The following KHDRBS2 variants were observed in gnomAD, a reference collection of about 807,000 sequenced individuals.
The protein encoded by KHDRBS2 is KH domain-containing, RNA-binding, signal transduction-associated protein 2.
In KHDRBS2, 26 loss-of-function variants were observed where a neutral mutation model predicts 44.3. That is an observed-to-expected ratio of 0.59 (90% CI 0.43 to 0.81). The LOEUF is 0.81. Ranked by LOEUF, KHDRBS2 falls within the 40% of genes least tolerant of loss-of-function variation. The pLI is 0.00. For synonymous variants in KHDRBS2, 194 were observed against 151.1 expected (o/e 1.28, Z -2.08); for missense variants, 476 against 433.1 (o/e 1.10, Z -0.88).
intron 1 of KHDRBS2, among the ~76,000 whole-genome samples, chr6:62,263,335 G>A (rs1838671496): frequency 6.6e-6 from 1 of 151,494 alleles, no homozygotes; most frequent in Non-Finnish European, 1.5e-5. Context: ...GTATGTTTGG[G>A]ATCTAGCAGC....
intron 6 of KHDRBS2, among the ~76,000 whole-genome samples, chr6:61,759,195 A>T (rs1778925591): frequency 6.6e-6 from 1 of 152,160 alleles, no homozygotes; most frequent in Admixed American, 6.5e-5. Context: ...TCTTAACTAG[A>T]CATCTGCTTG....
intron 2 of KHDRBS2, among the ~76,000 whole-genome samples, chr6:62,110,324 T>C (rs533598075): frequency 6.6e-6 from 1 of 152,154 alleles, no homozygotes; most frequent in Non-Finnish European, 1.5e-5. Context: ...CAAATCATAG[T>C]TAATTACCCA....
the KHDRBS2 span, among the ~76,000 whole-genome samples, chr6:61,613,340 A>C: frequency 6.6e-6 from 1 of 152,164 alleles, no homozygotes; most frequent in Admixed American, 6.6e-5. Flanking sequence ...ATGAATGTCT[A>C]CGTGTAATAC....
At chr6:62,030,485 A>T (rs1231044781) in intron 3 of KHDRBS2, among the ~76,000 whole-genome samples, 1 of 152,078 alleles carries the variant, frequency 6.6e-6, no homozygotes, top group Admixed American at 6.6e-5. Flanking sequence ...GGGAATGAGA[A>T]TCAAGTTAAT....
chr6:62,161,400 A>G lies in KHDRBS2; in HGVS notation c.219+15785T>C, dbSNP rs1817590065. On this transcript the variant is annotated intron_variant, in intron 2 of 8. Transcript: ENST00000281156. The stretch of plus-strand genomic sequence containing the variant: ...TAAAATAACACAAATAATATCCAAT[A>G]AAGTATAACAATAATTTACATAGTA... Among the ~76,000 whole-genome samples the G allele has an allele frequency of 3.3e-5, 5 of 151,696 alleles. No individual in the cohort carries two copies. The South Asian group carries it at 1.0e-3, about 31-fold the overall frequency.
chr6:61,908,780 G>A (rs1008560851), intron 4 of KHDRBS2, among the ~76,000 whole-genome samples: 2 of 152,046 alleles, frequency 1.3e-5, no homozygotes, highest in South Asian at 2.1e-4. Context: ...TCAAAAAAAT[G>A]TAAGTTATAT....
intron 2 of KHDRBS2, among the ~76,000 whole-genome samples, chr6:62,095,351 T>C (rs1369537644): frequency 1.3e-5 from 2 of 151,838 alleles, no homozygotes; most frequent in African/African-American, 4.8e-5. Flanking sequence ...CATAAGCTTA[T>C]AATGGAGCCG....
At chr6:62,201,442 A>G (rs570721101) in intron 1 of KHDRBS2, among the ~76,000 whole-genome samples, 4 of 152,234 alleles carry the variant, frequency 2.6e-5, no homozygotes, top group South Asian at 4.1e-4. Context: ...TAAAATATCC[A>G]AAGTATTTTA....
chr6:61,933,951 C>T (rs1172686588), intron 4 of KHDRBS2, among the ~76,000 whole-genome samples: 2 of 152,118 alleles, frequency 1.3e-5, no homozygotes, highest in Non-Finnish European at 2.9e-5. Context: ...TCCATATCCT[C>T]ATCAAAACTG....
intron 6 of KHDRBS2, among the ~76,000 whole-genome samples, chr6:61,776,253 A>G (rs993233021): frequency 5.9e-5 from 9 of 152,138 alleles, no homozygotes; most frequent in African/African-American, 2.2e-4. Context: ...TGTCTACAAC[A>G]CCAAAAGCAA....
At chr6:61,864,508 C>T (rs1410770448) in intron 6 of KHDRBS2, among the ~76,000 whole-genome samples, 1 of 152,068 alleles carries the variant, frequency 6.6e-6, no homozygotes, top group Non-Finnish European at 1.5e-5. Flanking sequence ...GATCTTATTC[C>T]TCCTTTACTT....
At chr6:62,225,101 G>C (rs1400281515) in intron 1 of KHDRBS2, among the ~76,000 whole-genome samples, 1 of 152,150 alleles carries the variant, frequency 6.6e-6, no homozygotes, top group Non-Finnish European at 1.5e-5. Flanking sequence ...CTAGTGGGTA[G>C]AAGCCAGGCA....
chr6:62,156,453 A>G (rs1360307643), intron 2 of KHDRBS2, among the ~76,000 whole-genome samples: 1 of 152,332 alleles, frequency 6.6e-6, no homozygotes, highest in East Asian at 1.9e-4. Flanking sequence ...ACATGATCAT[A>G]TGTTGGTAAT....
At chr6:61,802,444 T>A (rs1786431236) in intron 6 of KHDRBS2, among the ~76,000 whole-genome samples, 1 of 152,178 alleles carries the variant, frequency 6.6e-6, no homozygotes, top group Admixed American at 6.6e-5. Flanking sequence ...TTACCATACA[T>A]CAGTAGGGCT....
intron 1 of KHDRBS2, among the ~76,000 whole-genome samples, chr6:62,214,926 A>G (rs932290859): frequency 1.3e-5 from 2 of 151,934 alleles, no homozygotes; most frequent in African/African-American, 4.8e-5. Flanking sequence ...TTCATTTGAC[A>G]TTCACATTTT....
intron 7 of KHDRBS2, among the ~76,000 whole-genome samples, chr6:61,706,179 T>C (rs1769513417): frequency 6.6e-6 from 1 of 151,806 alleles, no homozygotes; most frequent in African/African-American, 2.4e-5. Flanking sequence ...CCTCCCTGTG[T>C]ACTCTCCCTT....
chr6:62,177,530 G>A (rs528941822), intron 1 of KHDRBS2, among the ~76,000 whole-genome samples: 13 of 131,732 alleles, frequency 9.9e-5, no homozygotes, highest in East Asian at 8.8e-4. Context: ...ACTAAAAAGC[G>A]ATAATTGAAG....
chr6:62,278,503 G>T (rs1017737371), intron 1 of KHDRBS2, among the ~76,000 whole-genome samples: 37 of 152,156 alleles, frequency 2.4e-4, no homozygotes, highest in African/African-American at 8.4e-4. Flanking sequence ...TGAATTTATC[G>T]TGGTCATGCT....
At chr6:61,884,696 C>G (rs1800673597) in intron 6 of KHDRBS2, among the ~76,000 whole-genome samples, 1 of 152,058 alleles carries the variant, frequency 6.6e-6, no homozygotes, top group Non-Finnish European at 1.5e-5. Flanking sequence ...TACTGTTACA[C>G]TATGTAACCT....
Sources: allele counts gnomAD v4.1 joint callset (sites outside exome capture counted in the v4.1 genomes callset), GRCh38; gene constraint gnomAD v4.1.1; transcripts MANE v1.5; gene names NCBI Gene and HGNC (gene_info 2026-07-23, HGNC 2026-07-21).